Variants in PCDHGA3 observed in about 807,000 individuals in gnomAD.
PCDHGA3 encodes protocadherin gamma-A3.
A neutral mutation model predicts 58.5 loss-of-function variants in PCDHGA3; 40 were observed. The observed-to-expected ratio is 0.68, with a 90% CI of 0.53 to 0.89. The LOEUF is 0.89. Ranked by LOEUF, PCDHGA3 falls within the 40% of genes least tolerant of loss-of-function variation. The pLI, the probability that PCDHGA3 is intolerant of heterozygous loss-of-function variation, is 0.00. For synonymous variants in PCDHGA3, 530 were observed against 525.7 expected, an observed-to-expected ratio of 1.01 and a Z score of -0.11; for missense variants, 1,223 against 1,195.9, an observed-to-expected ratio of 1.02 and a Z score of -0.33.
chr5:141,464,184 G>T (rs1348739162), intron 1 of PCDHGA3, among the ~76,000 whole-genome samples: 1 of 150,316 alleles, frequency 6.7e-6, no homozygotes, highest in Non-Finnish European at 1.5e-5. Flanking sequence ...AGAATTGCTT[G>T]ATTTCAGGAG....
In PCDHGA3 at chr5:141,487,818, G is replaced by A. The variant is rs1009237001; in HGVS notation, c.2425-6989G>A. On this transcript the variant is annotated intron_variant, in intron 1 of 3. Coordinates refer to ENST00000253812, the MANE Select transcript of PCDHGA3 (RefSeq NM_018916.4). This position sits in a 1 kb window ranked among gnomAD's most constrained non-coding sequence, Gnocchi z 5.0. ...GAGTTGTCACAGTTTAGCATTGGGG[G>A]CGGGTCATGCCTATATCTGAGTAAG... The A allele has an allele frequency of 1.2e-4, 158 of 1,331,596 alleles. No homozygotes were observed. The highest frequency in any genetic ancestry group is 1.4e-4 in the Non-Finnish European group (140 of 970,524). 82.5% of individuals were successfully genotyped at this position (1,331,596 alleles called of 1,614,324 possible). A position where few individuals can be genotyped will look rare whatever the true frequency, so the allele number is the denominator to read the frequency against.
intron 1 of PCDHGA3, among the ~76,000 whole-genome samples, chr5:141,467,047 A>G (rs1271306217): frequency 1.3e-5 from 2 of 149,986 alleles, no homozygotes; most frequent in East Asian, 3.9e-4. Context: ...GTAATGAATC[A>G]ATGTTTTCTT....
rs532631149 is a variant in PCDHGA3, at chr5:141,506,489, C to A, written c.2572+1008C>A. On this transcript the variant is annotated intron_variant, in intron 3 of 3. Transcript: ENST00000253812. ...AAGAGCACAGGCTTTAGAGGCAGGC[C>A]AATCTGGATTCAAATCCTGGCACCT... 1.9e-4 allele frequency among the ~76,000 whole-genome samples: 29 copies of A among 150,750 alleles called. 1 individual carries two copies. In the South Asian group the frequency reaches 5.9e-3, roughly 31 times the overall value.
chr5:141,487,423 C>T lies in PCDHGA3; in HGVS notation c.2425-7384C>T. 1 of 1,614,158 alleles carries T rather than the reference C, an allele frequency of 6.2e-7. No homozygotes were observed. Among genetic ancestry groups the T allele is most frequent in the Non-Finnish European group, 8.5e-7 (1 of 1,180,012 alleles). On this transcript the variant is annotated intron_variant, in intron 1 of 3. Transcript: ENST00000253812. The surrounding 1 kb of genome is among the most constrained non-coding windows in gnomAD (Gnocchi z 5.0). ...GGCTTCCCCCTTCCAATGGGATCCTCCGAATCCAGCTAGGGTCAGATGACC... is the reference window on the plus strand; with the variant it reads ...GGCTTCCCCCTTCCAATGGGATCCTTCGAATCCAGCTAGGGTCAGATGACC...
intron 1 of PCDHGA3, chr5:141,377,269 TG>T (rs1449007533): frequency 2.1e-5 from 3 of 142,478 alleles, no homozygotes; most frequent in Non-Finnish European, 4.5e-5. Context: ...TTTTCTAATG[TG>T]GGAAAAAAAA....
At chr5:141,399,856 G>A (rs1391939612) in intron 1 of PCDHGA3, 1 of 1,612,894 alleles carries the variant, frequency 6.2e-7, no homozygotes, top group Non-Finnish European at 8.5e-7. Flanking sequence ...GGTGCCGCGC[G>A]CTGCAGAGCC....
chr5:141,370,051 A>G (rs1766638664), intron 1 of PCDHGA3, among the ~76,000 whole-genome samples: 1 of 152,244 alleles, frequency 6.6e-6, no homozygotes, highest in African/African-American at 2.4e-5. Flanking sequence ...ATGTTTTTTA[A>G]AAGTCCTTTT....
At chr5:141,375,704 C>T in intron 1 of PCDHGA3, 2 of 1,614,268 alleles carry the variant, frequency 1.2e-6, no homozygotes, top group Non-Finnish European at 1.7e-6. Flanking sequence ...CGGGGACCCG[C>T]CTCTTAGCAG....
chr5:141,362,335 A>C (rs371396469), intron 1 of PCDHGA3: 1 of 1,613,940 alleles, frequency 6.2e-7, no homozygotes, highest in Non-Finnish European at 8.5e-7. Context: ...TCTCAGCTCC[A>C]AGCCTGGACC....
chr5:141,441,103 A>C (rs2098225469), intron 1 of PCDHGA3: 1 of 152,198 alleles, frequency 6.6e-6, no homozygotes, highest in Non-Finnish European at 1.5e-5. Flanking sequence ...AGAGGGACTC[A>C]TTGTCCAGTG....
At chr5:141,366,814 C>G (rs1764814519) in intron 1 of PCDHGA3, 6 of 1,549,164 alleles carry the variant, frequency 3.9e-6, no homozygotes, top group African/African-American at 2.7e-5. Context: ...TTTCATGTTT[C>G]TGTCATATTC....
chr5:141,478,668 T>G (rs1411369994), intron 1 of PCDHGA3: 40 of 1,551,660 alleles, frequency 2.6e-5, no homozygotes, highest in Non-Finnish European at 3.4e-5. Flanking sequence ...CATTCACACT[T>G]TCAACTGGCC....
At chr5:141,376,955 G>A (rs1473018804) in intron 1 of PCDHGA3, 1 of 163,724 alleles carries the variant, frequency 6.1e-6, no homozygotes, top group Admixed American at 5.9e-5. Flanking sequence ...CCAAAGTGCT[G>A]GGATTACAGG....
Position 141,432,029 on chromosome 5 carries a change from G to A in PCDHGA3, c.2425-62778G>A. 6.2e-7 allele frequency: 1 copy of A among 1,614,178 alleles called. No individual in the cohort carries two copies. Among genetic ancestry groups the A allele is most frequent in the South Asian group, 1.1e-5 (1 of 91,086 alleles). ...TCCTAGCTACAACATCACAGTGACC[G>A]CCACTGACCGGGGAACCCCGCCCCT... On this transcript the variant is annotated intron_variant, in intron 1 of 3. Coordinates refer to ENST00000253812, the MANE Select transcript of PCDHGA3 (RefSeq NM_018916.4). This position sits in a 1 kb window ranked among gnomAD's most constrained non-coding sequence, Gnocchi z 6.0.
chr5:141,457,193 A>G (rs2154565853), intron 1 of PCDHGA3, among the ~76,000 whole-genome samples: 1 of 152,356 alleles, frequency 6.6e-6, no homozygotes, highest in African/African-American at 2.4e-5. Flanking sequence ...GAGTGAGGAA[A>G]GCAGTTCCCA....
In PCDHGA3 at chr5:141,493,103, A is replaced by G. The variant is rs1396614836; in HGVS notation, c.2425-1704A>G. Among the ~76,000 whole-genome samples the G allele has an allele frequency of 6.6e-6, 1 of 152,086 alleles. No homozygotes were observed. The highest frequency in any genetic ancestry group is 1.5e-5 in the Non-Finnish European group (1 of 68,022). On this transcript the variant is annotated intron_variant, in intron 1 of 3. Transcript: ENST00000253812. The surrounding 1 kb of genome is among the most constrained non-coding windows in gnomAD (Gnocchi z 4.3). ...AGGAGCTTTTATTCAAAATATATCA[A>G]TGCCTAACTCTGCTCCTAGGACTGT...
intron 1 of PCDHGA3, chr5:141,421,478 G>C: frequency 6.2e-7 from 1 of 1,614,130 alleles, no homozygotes. Context: ...CGAAGCGGCA[G>C]CTTGATCACG....
chr5:141,403,318 A>G, intron 1 of PCDHGA3: 1 of 1,613,982 alleles, frequency 6.2e-7, no homozygotes, highest in Non-Finnish European at 8.5e-7. Flanking sequence ...TAGAAATAGA[A>G]GTAACTGATA....
chr5:141,390,042 G>A, intron 1 of PCDHGA3: 1 of 1,614,034 alleles, frequency 6.2e-7, no homozygotes, highest in Non-Finnish European at 8.5e-7. Flanking sequence ...CTCCAGCCCC[G>A]CCTCCTGGAG....
Sources: allele counts gnomAD v4.1 joint callset (sites outside exome capture counted in the v4.1 genomes callset), GRCh38; gene constraint gnomAD v4.1.1; non-coding constraint Gnocchi (gnomAD v3.1); transcripts MANE v1.5; gene names NCBI Gene and HGNC (gene_info 2026-07-23, HGNC 2026-07-21).